The following SETD2 variants were observed in gnomAD, a reference collection of about 807,000 sequenced individuals.
The protein encoded by SETD2 is SET domain containing 2, histone lysine methyltransferase.
Under a neutral mutation model 242.1 loss-of-function variants are expected in SETD2, and 31 were observed. That is an observed-to-expected ratio of 0.13 (90% CI 0.10 to 0.17). SETD2 has a LOEUF of 0.17. SETD2 is among the 10% of genes least tolerant of loss of function. The probability of loss-of-function intolerance (pLI) is 1.00; values close to 1 mark genes in which losing one functional copy is unlikely to be tolerated. For missense variants in SETD2, 2,481 were observed against 3,046.3 expected (o/e 0.81, Z 4.37); for synonymous variants, 1,006 against 1,066.5 (o/e 0.94, Z 1.11).
At chr3:47,158,887 A>T (rs1309417443) in intron 1 of SETD2, among the ~76,000 whole-genome samples, 1 of 152,216 alleles carries the variant, frequency 6.6e-6, no homozygotes, top group African/African-American at 2.4e-5. Flanking sequence ...TTCTAGTCAG[A>T]GGTTACCGAA....
At chr3:47,024,804 C>T (rs1038242433) in intron 18 of SETD2, among the ~76,000 whole-genome samples, 1 of 152,202 alleles carries the variant, frequency 6.6e-6, no homozygotes, top group Non-Finnish European at 1.5e-5. Context: ...AAATAAACTG[C>T]TGCCTCAATT....
At chr3:47,096,583 AAAAAAAAAAAAAAG>A (rs200031048) in intron 9 of SETD2, among the ~76,000 whole-genome samples, 69,593 of 141,556 alleles carry the variant, frequency 0.49, 18,533 homozygotes, top group Non-Finnish European at 0.58. Flanking sequence ...AAAAAAAAAA[AAAAAAAAAAAAAAG>A]GGGGGCTGGG....
chr3:47,148,110 T>TTTGTTG (rs144690368), intron 1 of SETD2, among the ~76,000 whole-genome samples: 34 of 149,020 alleles, frequency 2.3e-4, no homozygotes, highest in Admixed American at 1.1e-3. Context: ...TTGGTTGTGT[T>TTTGTTG]TTGTTGTTGT....
chr3:47,095,481 C>T (rs2041971577), intron 9 of SETD2, among the ~76,000 whole-genome samples: 1 of 152,160 alleles, frequency 6.6e-6, no homozygotes, highest in Admixed American at 6.5e-5. Flanking sequence ...TGTTTAATAA[C>T]TACTTTGTGG....
intron 12 of SETD2, among the ~76,000 whole-genome samples, chr3:47,081,350 G>A (rs1471202028): frequency 6.6e-6 from 1 of 152,180 alleles, no homozygotes; most frequent in African/African-American, 2.4e-5. Context: ...GACTTGAAAT[G>A]GCCATAACCA....
chr3:47,146,042 A>G (rs1049182555), intron 1 of SETD2, among the ~76,000 whole-genome samples: 4 of 150,196 alleles, frequency 2.7e-5, no homozygotes, highest in African/African-American at 7.3e-5. Flanking sequence ...AAAAAAAAAA[A>G]GCTATACAGC....
chr3:47,040,740 A>G (rs955930642), intron 17 of SETD2, among the ~76,000 whole-genome samples: 2 of 151,660 alleles, frequency 1.3e-5, no homozygotes, highest in African/African-American at 4.8e-5. Flanking sequence ...TGCCAAGCTA[A>G]TTTTGTATTT....
At chr3:47,027,182 T>TA (rs2038520970) in intron 18 of SETD2, among the ~76,000 whole-genome samples, 2 of 151,134 alleles carry the variant, frequency 1.3e-5, no homozygotes, top group African/African-American at 2.4e-5. Context: ...AAAAAATATT[T>TA]AAAAAATTAG....
In SETD2 at chr3:47,084,430, T is replaced by TC; in HGVS notation, c.5398-49_5398-48insG. On this transcript the variant is annotated intron_variant, in intron 11 of 20. Coordinates refer to ENST00000409792, the MANE Select transcript of SETD2 (RefSeq NM_014159.7). ...TACATCACTTTGTACAGTTGACTTT[T>TC]TTTTTTTTTTTTGAGACAGAGTCTC... 3.2e-6 allele frequency: 4 copies of TC among 1,242,906 alleles called. No homozygotes were observed. The South Asian group carries it at 6.3e-5, about 20-fold the overall frequency. 77.0% of individuals were successfully genotyped at this position (1,242,906 alleles called of 1,614,324 possible). A position where few individuals can be genotyped will look rare whatever the true frequency, so the allele number is the denominator to read the frequency against.
chr3:47,084,274 G>A lies in SETD2; in HGVS notation c.5506C>T (p.Pro1836Ser), dbSNP rs775677070. ...RWSQTKTAVP[P>S]LSEGDGYSSE... ...GAATACCCATCTCCTTCACTCAACG[G>A]AGGGACAGCAGTCTTAGTCTGAGAC... The change falls in exon 12 of 21, where the codon CCG (proline) becomes TCG (serine). Residue 1836 changes from proline (P) to serine (S), a missense_variant. By Grantham distance (74) the Pro-to-Ser change is moderately conservative (BLOSUM62 -1). Coordinates refer to ENST00000409792, the MANE Select transcript of SETD2 (RefSeq NM_014159.7). 6.2e-7 allele frequency: 1 copy of A among 1,614,046 alleles called. No individual in the cohort carries two copies.
intron 13 of SETD2, 122 bp downstream of exon 13, chr3:47,066,948 T>C (rs1465793251): frequency 1.4e-5 from 9 of 659,734 alleles, no homozygotes; most frequent in Non-Finnish European, 2.1e-5. Context: ...AATATTTCAT[T>C]TACCTAGTTA....
intron 9 of SETD2, among the ~76,000 whole-genome samples, chr3:47,088,751 G>T (rs1559707294): frequency 6.6e-6 from 1 of 152,062 alleles, no homozygotes; most frequent in Admixed American, 6.6e-5. Flanking sequence ...GCTGATAGGG[G>T]CCGGGTGCTT....
intron 5 of SETD2, among the ~76,000 whole-genome samples, chr3:47,111,079 T>TAAAAAAAAA (rs10672755): frequency 2.5e-5 from 2 of 78,800 alleles, no homozygotes; most frequent in Non-Finnish European, 4.5e-5. Flanking sequence ...GTGGTTCCTT[T>TAAAAAAAAA]AAAAAAAAAA....
chr3:47,095,492 T>C (rs1336761495), intron 9 of SETD2, among the ~76,000 whole-genome samples: 3 of 152,126 alleles, frequency 2.0e-5, no homozygotes, highest in African/African-American at 7.2e-5. Context: ...TACTTTGTGG[T>C]TGCTCTGGTA....
At chr3:47,030,357 A>C (rs1448352290) in intron 18 of SETD2, among the ~76,000 whole-genome samples, 1 of 152,178 alleles carries the variant, frequency 6.6e-6, no homozygotes, top group Non-Finnish European at 1.5e-5. Context: ...GTGAACTTTA[A>C]ATAGAGGCCA....
chr3:47,031,794 CA>C (rs1559646588), intron 18 of SETD2, among the ~76,000 whole-genome samples: 2 of 151,870 alleles, frequency 1.3e-5, no homozygotes. Flanking sequence ...TTATAGCTAT[CA>C]AAATTTTTCA....
At chr3:47,041,011 AAGAAGT>A (rs1012793955) in intron 17 of SETD2, among the ~76,000 whole-genome samples, 2 of 152,210 alleles carry the variant, frequency 1.3e-5, no homozygotes, top group Non-Finnish European at 2.9e-5. Flanking sequence ...TACCCTCTCG[AAGAAGT>A]AGTAAGATTA....
At chr3:47,067,004 T>G in intron 13 of SETD2, 66 bp downstream of exon 13, 1 of 1,173,740 alleles carries the variant, frequency 8.5e-7, no homozygotes, top group South Asian at 1.3e-5. Flanking sequence ...TTCTTATCAG[T>G]TACCTCTGCA....
chr3:47,153,857 T>C (rs2044059989), intron 1 of SETD2, among the ~76,000 whole-genome samples: 1 of 152,106 alleles, frequency 6.6e-6, no homozygotes, highest in Admixed American at 6.6e-5. Flanking sequence ...ATTATCTGCT[T>C]AATCCATCAG....
Sources: allele counts gnomAD v4.1 joint callset (sites outside exome capture counted in the v4.1 genomes callset), GRCh38; gene constraint gnomAD v4.1.1; transcripts MANE v1.5; gene names NCBI Gene and HGNC (gene_info 2026-07-23, HGNC 2026-07-21).